DIPK1A: variants seen among roughly 807,000 people sequenced by gnomAD.
DIPK1A encodes divergent protein kinase domain 1A, also known as family with sequence similarity 69 member A.
In DIPK1A, 27 loss-of-function variants were observed where a neutral mutation model predicts 40.8. The ratio of observed to expected loss-of-function variants is 0.66; its 90% confidence interval spans 0.49 to 0.91. The LOEUF (loss-of-function observed/expected upper bound fraction) is 0.91. Among genes scored for constraint, DIPK1A ranks in the 40% least tolerant of loss-of-function variants. DIPK1A has a pLI of 0.00. For synonymous variants in DIPK1A, 166 were observed against 171.3 expected, an observed-to-expected ratio of 0.97 and a Z score of 0.24; for missense variants, 412 against 505.7, an observed-to-expected ratio of 0.81 and a Z score of 1.78.
At chr1:92,839,733 TA>T (rs1426109842), downstream of DIPK1A, among the ~76,000 whole-genome samples, 1 of 152,224 alleles carries the variant, frequency 6.6e-6, no homozygotes, top group African/African-American at 2.4e-5. Context: ...AGACAGTATT[TA>T]AAATGAGAAG....
At chr1:92,840,107 C>T (rs1201061759), downstream of DIPK1A, among the ~76,000 whole-genome samples, 1 of 151,664 alleles carries the variant, frequency 6.6e-6, no homozygotes, top group East Asian at 1.9e-4. Flanking sequence ...GCAGCCTTGA[C>T]CTCCTGGACT....
chr1:92,902,276 T>A (rs1342325971), intron 1 of DIPK1A, among the ~76,000 whole-genome samples: 1 of 152,146 alleles, frequency 6.6e-6, no homozygotes, highest in African/African-American at 2.4e-5. Context: ...AAGGGCAGGG[T>A]AAGGGGTAGG....
chr1:92,927,118 G>C (rs1650544963), intron 1 of DIPK1A, among the ~76,000 whole-genome samples: 2 of 152,058 alleles, frequency 1.3e-5, no homozygotes. Context: ...TTTAAAAACA[G>C]CTTTATTGAA....
At chr1:92,946,248 A>G (rs182285481) in intron 1 of DIPK1A, among the ~76,000 whole-genome samples, 116 of 152,316 alleles carry the variant, frequency 7.6e-4, no homozygotes, top group Non-Finnish European at 1.3e-3. Flanking sequence ...AGAATTAACA[A>G]GTCATAATAA....
intron 2 of DIPK1A, among the ~76,000 whole-genome samples, chr1:92,860,732 C>T (rs1341867406): frequency 6.7e-6 from 1 of 148,856 alleles, no homozygotes; most frequent in African/African-American, 2.5e-5. Context: ...TGTAGTGGGC[C>T]AAGATTGTAC....
Position 92,850,881 on chromosome 1 carries a change from A to C in DIPK1A, c.264T>G (p.Phe88Leu), listed in dbSNP as rs926414622. The C allele has an allele frequency of 1.3e-6, 2 of 1,569,378 alleles. No homozygotes were observed. Among genetic ancestry groups the C allele is most frequent in the African/African-American group, 1.4e-5 (1 of 74,054 alleles). The change falls in exon 3 of 5, where the codon TTT (phenylalanine) becomes TTG (leucine). Residue 88 changes from phenylalanine to leucine, a missense_variant. Phe to Leu is a conservative substitution (Grantham distance 22). Coordinates refer to ENST00000370310, the MANE Select transcript of DIPK1A (RefSeq NM_001006605.5). ...TGGGCTTGGTGGATAAACATTTTCC[A>C]AAGTAAAGAGTTTCTGTAACACAAA... ...NSLCVTETLY[F>L]GKCLSTKPNN... is the part of the protein sequence containing the mutation.
intron 1 of DIPK1A, among the ~76,000 whole-genome samples, chr1:92,948,021 G>A (rs551453049): frequency 6.6e-6 from 1 of 152,152 alleles, no homozygotes; most frequent in Non-Finnish European, 1.5e-5. Flanking sequence ...ATAATTTATT[G>A]CATATTTTCA....
At chr1:92,898,004 C>T (rs1553129701) in intron 1 of DIPK1A, among the ~76,000 whole-genome samples, 3 of 150,916 alleles carry the variant, frequency 2.0e-5, no homozygotes, top group Non-Finnish European at 4.4e-5. Context: ...GAGGCTGAGG[C>T]AGAAGAATTG....
chr1:92,900,623 G>A (rs1157640205), intron 1 of DIPK1A, among the ~76,000 whole-genome samples: 1 of 151,494 alleles, frequency 6.6e-6, no homozygotes, highest in Admixed American at 6.6e-5. Context: ...TTTTCATTGG[G>A]GTCTGTCACT....
chr1:92,851,146 G>A (rs1040419957), intron 2 of DIPK1A, among the ~76,000 whole-genome samples, 191 bp from the exon 3 acceptor site: 3 of 152,112 alleles, frequency 2.0e-5, no homozygotes, highest in Admixed American at 6.5e-5. Flanking sequence ...TGTTGCTGCT[G>A]GGGTGTGCGT....
Position 92,850,942 on chromosome 1 carries a change from T to G in DIPK1A, c.203A>C (p.Lys68Thr). 1 of 1,564,948 alleles carries G rather than the reference T, an allele frequency of 6.4e-7. No homozygotes were observed. Among genetic ancestry groups the G allele is most frequent in the East Asian group, 2.3e-5 (1 of 43,350 alleles). The change falls in exon 3 of 5, where the codon AAG (lysine) becomes ACG (threonine). Residue 68 changes from lysine (K) to threonine (T), a missense_variant. Transcript: ENST00000370310. ...TGCAGGCCCATCAATAACTCCAGTC[T>G]TGTACTTGTCACACTAAAAACCAGG... ...DCKKIICDKY[K>T]TGVIDGPACN...
chr1:92,862,827 T>C (rs139369874), intron 2 of DIPK1A, among the ~76,000 whole-genome samples: 1 of 152,346 alleles, frequency 6.6e-6, no homozygotes, highest in Non-Finnish European at 1.5e-5. Flanking sequence ...GCCTGGAATG[T>C]AGCATTATTT....
chr1:92,893,307 G>A (rs1381494113), intron 1 of DIPK1A, among the ~76,000 whole-genome samples: 1 of 151,660 alleles, frequency 6.6e-6, no homozygotes, highest in Non-Finnish European at 1.5e-5. Context: ...GGATCTCTCG[G>A]CAGAAACTCT....
At chr1:92,897,289 A>T (rs1284214323) in intron 1 of DIPK1A, among the ~76,000 whole-genome samples, 1 of 152,240 alleles carries the variant, frequency 6.6e-6, no homozygotes, top group African/African-American at 2.4e-5. Context: ...GATTAAGAAA[A>T]TGTGGCACAT....
exon 5 of DIPK1A, chr1:92,832,943 T>C: frequency 1.4e-6 from 1 of 706,092 alleles, no homozygotes; most frequent in Non-Finnish European, 2.6e-6. Flanking sequence ...AAGTGGGACA[T>C]AGCGTGTTCC....
chr1:92,926,106 G>C (rs1344356119), intron 1 of DIPK1A, among the ~76,000 whole-genome samples: 1 of 151,444 alleles, frequency 6.6e-6, no homozygotes, highest in Non-Finnish European at 1.5e-5. Context: ...CTTCTTTCTT[G>C]GGTTTAATTT....
At chr1:92,918,994 T>A (rs564457964) in intron 1 of DIPK1A, among the ~76,000 whole-genome samples, 4 of 152,174 alleles carry the variant, frequency 2.6e-5, no homozygotes, top group African/African-American at 9.7e-5. Context: ...CTTCCTGCCG[T>A]GCAGCCTGGT....
At chr1:92,885,642 T>C (rs1033832033) in intron 1 of DIPK1A, among the ~76,000 whole-genome samples, 4 of 152,062 alleles carry the variant, frequency 2.6e-5, no homozygotes, top group Admixed American at 1.3e-4. Context: ...AGGCATGAGC[T>C]ACCGTGCCCA....
intron 1 of DIPK1A, among the ~76,000 whole-genome samples, chr1:92,941,245 A>G (rs1247108930): frequency 6.6e-6 from 1 of 152,168 alleles, no homozygotes; most frequent in Admixed American, 6.5e-5. Flanking sequence ...AATTATCCCT[A>G]TTTTTTGTTT....
Sources: gnomAD v4.1 joint callset for allele counts (sites outside exome capture counted in the v4.1 genomes callset) on GRCh38, gnomAD v4.1.1 for gene constraint, MANE v1.5 for transcripts, NCBI Gene and HGNC (gene_info 2026-07-23, HGNC 2026-07-21) for gene names.